PPP1R21: variants seen among roughly 807,000 people sequenced by gnomAD.
PPP1R21 encodes the protein protein phosphatase 1 regulatory subunit 21, also known as KLRAQ motif containing 1.
Under a neutral mutation model 112.8 loss-of-function variants are expected in PPP1R21, and 85 were observed. That is an observed-to-expected ratio of 0.75 (90% confidence interval 0.63 to 0.90). The LOEUF (loss-of-function observed/expected upper bound fraction) is 0.90. Among genes scored for constraint, PPP1R21 ranks in the 40% least tolerant of loss-of-function variants. The pLI, the probability that PPP1R21 is intolerant of heterozygous loss-of-function variation, is 0.00. For synonymous variants in PPP1R21, 381 were observed against 322.3 expected (o/e 1.18, Z -1.95); for missense variants, 1,199 against 901.5 (o/e 1.33, Z -4.23).
intron 9 of PPP1R21, among the ~76,000 whole-genome samples, chr2:48,467,141 G>C (rs919039246): frequency 5.3e-5 from 8 of 152,126 alleles, no homozygotes; most frequent in African/African-American, 1.9e-4. Context: ...TGGAGTGGGA[G>C]ACACACTGCT....
intron 2 of PPP1R21, 83 bp from the exon 3 acceptor site, chr2:48,454,512 G>C: frequency 6.7e-7 from 1 of 1,492,234 alleles, no homozygotes; most frequent in East Asian, 2.4e-5. Context: ...ATTATATTTT[G>C]GTGAAATAGA....
chr2:48,487,859 C>T, intron 14 of PPP1R21, among the ~76,000 whole-genome samples: 1 of 151,798 alleles, frequency 6.6e-6, no homozygotes, highest in East Asian at 1.9e-4. Context: ...TCATCAACAA[C>T]TTTAATGATT....
chr2:48,511,604 G>A (rs1670646419), intron 21 of PPP1R21, 136 bp downstream of exon 21: 2 of 1,024,990 alleles, frequency 2.0e-6, no homozygotes, highest in Non-Finnish European at 2.8e-6. Context: ...GCTTAAGCCT[G>A]TAATCCCAGT....
rs184194975 is a variant in PPP1R21, at chr2:48,504,852, G to A, written c.1936-712G>A. Among the ~76,000 whole-genome samples, 37 of 152,214 alleles carry A rather than the reference G, an allele frequency of 2.4e-4. 1 individual carries two copies. The East Asian group carries it at 3.5e-3, about 14-fold the overall frequency. Reference sequence around the variant, plus strand: ...CTTTTAAAAAATCTAGCAGCAGCCAGGCATGGTGACTCATGCCTGTAATCT... The same window carrying A: ...CTTTTAAAAAATCTAGCAGCAGCCAAGCATGGTGACTCATGCCTGTAATCT... On this transcript the variant is annotated intron_variant, in intron 17 of 21. Transcript: ENST00000294952.
intron 1 of PPP1R21, among the ~76,000 whole-genome samples, chr2:48,445,383 A>G (rs1667203859): frequency 1.3e-5 from 2 of 152,230 alleles, no homozygotes; most frequent in South Asian, 4.1e-4. Flanking sequence ...TTTAATTAAA[A>G]TAGCCACTTG....
chr2:48,451,817 TCTTA>T (rs1336101027), intron 2 of PPP1R21, among the ~76,000 whole-genome samples: 2 of 152,238 alleles, frequency 1.3e-5, no homozygotes, highest in East Asian at 3.8e-4. Flanking sequence ...TTAGGATTCC[TCTTA>T]CTTCTGTCTC....
At chr2:48,493,623 G>T (rs1171228498) in intron 15 of PPP1R21, among the ~76,000 whole-genome samples, 3 of 151,934 alleles carry the variant, frequency 2.0e-5, no homozygotes, top group Non-Finnish European at 4.4e-5. Context: ...TTTAGATTTG[G>T]ATCTTTAATT....
At chr2:48,446,335 A>C (rs1009141660) in intron 1 of PPP1R21, among the ~76,000 whole-genome samples, 1 of 152,132 alleles carries the variant, frequency 6.6e-6, no homozygotes, top group Non-Finnish European at 1.5e-5. Context: ...TCTGTGTCCT[A>C]GAAGAAACAG....
Position 48,483,376 on chromosome 2 carries a change from T to C in PPP1R21, c.1319-3255T>C, listed in dbSNP as rs540937777. Among the ~76,000 whole-genome samples the C allele has an allele frequency of 1.2e-3, 176 of 151,814 alleles. 1 individual carries two copies. The highest frequency in any genetic ancestry group is 4.1e-3 in the African/African-American group (170 of 41,396). ...TTTTGTATTTTAAATAGAGACAGGG[T>C]TTCGCCATGTTGGCCAGGCTGGTCT... On this transcript the variant is annotated intron_variant, in intron 13 of 21. Coordinates refer to ENST00000294952, the MANE Select transcript of PPP1R21 (RefSeq NM_001135629.3).
chr2:48,508,231 G>T (rs74502448), intron 19 of PPP1R21, among the ~76,000 whole-genome samples: 1 of 152,170 alleles, frequency 6.6e-6, no homozygotes, highest in South Asian at 2.1e-4. Flanking sequence ...CAACATAAAA[G>T]AATGCCTTCA....
chr2:48,459,945 A>C, intron 5 of PPP1R21, 27 bp downstream of exon 5: 1 of 1,605,898 alleles, frequency 6.2e-7, no homozygotes, highest in Non-Finnish European at 8.5e-7. Flanking sequence ...GAGCACACTA[A>C]AAAATAGTTA....
At chr2:48,473,435 G>C (rs905638342) in intron 11 of PPP1R21, among the ~76,000 whole-genome samples, 1 of 152,114 alleles carries the variant, frequency 6.6e-6, no homozygotes, top group South Asian at 2.1e-4. Flanking sequence ...ATTTTATCTT[G>C]CTTCATTTTT....
chr2:48,502,354 C>T (rs1313754855), intron 17 of PPP1R21, among the ~76,000 whole-genome samples: 1 of 152,082 alleles, frequency 6.6e-6, no homozygotes, highest in Non-Finnish European at 1.5e-5. Flanking sequence ...AGATTTCTGC[C>T]GAAAATAACC....
chr2:48,479,787 T>G, intron 12 of PPP1R21, 137 bp from the exon 13 acceptor site: 1 of 662,646 alleles, frequency 1.5e-6, no homozygotes. Context: ...TCTGAATGTA[T>G]CTGCCACGAT....
intron 16 of PPP1R21, among the ~76,000 whole-genome samples, chr2:48,496,146 A>T (rs898111112): frequency 6.6e-6 from 1 of 152,164 alleles, no homozygotes; most frequent in Non-Finnish European, 1.5e-5. Context: ...AAAATGTGCA[A>T]TATTTAGTGG....
intron 17 of PPP1R21, among the ~76,000 whole-genome samples, chr2:48,499,873 A>T (rs905100787): frequency 7.9e-5 from 12 of 152,244 alleles, no homozygotes; most frequent in African/African-American, 2.9e-4. Context: ...AAAATTAGGA[A>T]AATCTAGAAA....
At chr2:48,463,976 G>A (rs1234017402) in intron 7 of PPP1R21, among the ~76,000 whole-genome samples, 1 of 152,166 alleles carries the variant, frequency 6.6e-6, no homozygotes, top group African/African-American at 2.4e-5. Context: ...AGATGCCATG[G>A]GAAATAAAAT....
Position 48,471,341 on chromosome 2 carries a change from G to C in PPP1R21, c.1062G>C (p.Arg354Ser). 6.2e-7 allele frequency: 1 copy of C among 1,610,366 alleles called. No individual in the cohort carries two copies. Among genetic ancestry groups the C allele is most frequent in the Non-Finnish European group, 8.5e-7 (1 of 1,178,878 alleles). The change falls in exon 11 of 22, where the codon AGG becomes AGC. Residue 354 changes from arginine to serine, a missense_variant. By Grantham distance (110) the Arg-to-Ser change is moderately radical (BLOSUM62 -1). Coordinates refer to ENST00000294952, the MANE Select transcript of PPP1R21 (RefSeq NM_001135629.3). The part of the protein sequence containing the change: ...EHLTSYICFL[R>S]KILPYQLKSL... The stretch of plus-strand genomic sequence containing the variant: ...TAACCTCCTACATATGTTTTCTTAG[G>C]AAGATTCTTCCCTATCAGTTAAAAA...
chr2:48,471,035 ATGTT>A, intron 9 of PPP1R21, 48 bp from the exon 10 acceptor site: 1 of 1,232,368 alleles, frequency 8.1e-7, no homozygotes, highest in East Asian at 2.4e-5. Flanking sequence ...AAATGTGTTG[ATGTT>A]TGTTATTTTC....
Sources: gnomAD v4.1 joint callset for allele counts (sites outside exome capture counted in the v4.1 genomes callset) on GRCh38, gnomAD v4.1.1 for gene constraint, MANE v1.5 for transcripts, NCBI Gene and HGNC (gene_info 2026-07-23, HGNC 2026-07-21) for gene names.